DPP10: variants seen among roughly 807,000 people sequenced by gnomAD.
DPP10 encodes the protein dipeptidyl peptidase like 10, also known as inactive dipeptidyl peptidase 10.
DPP10 carries 33 observed loss-of-function variants against 120.9 expected under a neutral mutation model. The ratio of observed to expected loss-of-function variants is 0.27; its 90% CI spans 0.21 to 0.37. DPP10 has a LOEUF of 0.37. Ranked by LOEUF, DPP10 falls within the 10% of genes least tolerant of loss-of-function variation. The pLI is 1.00. For synonymous variants in DPP10, 337 were observed against 326.1 expected, an observed-to-expected ratio of 1.03 and a Z score of -0.36; for missense variants, 816 against 942.8, an observed-to-expected ratio of 0.87 and a Z score of 1.76.
intron 5 of DPP10, among the ~76,000 whole-genome samples, chr2:115,575,205 A>G (rs2081577125): frequency 6.6e-6 from 1 of 152,224 alleles, no homozygotes; most frequent in Admixed American, 6.5e-5. Flanking sequence ...GAGTCACCTC[A>G]GGCATCAAAC....
intron 1 of DPP10, among the ~76,000 whole-genome samples, chr2:114,730,492 G>T (rs957895485): frequency 1.3e-5 from 2 of 152,184 alleles, no homozygotes; most frequent in Non-Finnish European, 2.9e-5. Context: ...ATGCAGAGTT[G>T]ATCAGTTTTG....
chr2:115,594,911 C>T (rs1031576231), intron 5 of DPP10, among the ~76,000 whole-genome samples: 5 of 152,086 alleles, frequency 3.3e-5, no homozygotes, highest in African/African-American at 9.7e-5. Context: ...TATTTTGGAA[C>T]ACACACTAAT....
intron 1 of DPP10, among the ~76,000 whole-genome samples, chr2:115,288,292 A>AT (rs563833614): frequency 1.1e-4 from 16 of 151,246 alleles, no homozygotes; most frequent in East Asian, 3.9e-4. Context: ...GATGTTGAAC[A>AT]TTTTTTTTCT....
chr2:115,621,077 T>C (rs1021242208), intron 5 of DPP10, among the ~76,000 whole-genome samples: 7 of 152,222 alleles, frequency 4.6e-5, no homozygotes, highest in Non-Finnish European at 1.0e-4. Flanking sequence ...ATGTGTGCCA[T>C]GAAATTCTTT....
chr2:115,512,062 T>C (rs2077261160), intron 4 of DPP10, among the ~76,000 whole-genome samples: 1 of 150,430 alleles, frequency 6.6e-6, no homozygotes, highest in African/African-American at 2.4e-5. Context: ...CCCTCCCCTC[T>C]TTCCTTCCTT....
chr2:115,322,109 A>G (rs1001707786), intron 2 of DPP10, among the ~76,000 whole-genome samples: 1 of 151,884 alleles, frequency 6.6e-6, no homozygotes, highest in African/African-American at 2.4e-5. Context: ...ATGCTTTACA[A>G]TTTCTGATTG....
intron 1 of DPP10, among the ~76,000 whole-genome samples, chr2:114,656,959 C>T (rs1374442929): frequency 6.6e-6 from 1 of 152,034 alleles, no homozygotes; most frequent in Non-Finnish European, 1.5e-5. Flanking sequence ...ACTTTATAAG[C>T]ACCGTTTTGA....
intron 3 of DPP10, among the ~76,000 whole-genome samples, chr2:115,407,055 C>T (rs1362608369): frequency 6.6e-6 from 1 of 152,166 alleles, no homozygotes; most frequent in Non-Finnish European, 1.5e-5. Flanking sequence ...GAGAGGGGTT[C>T]CTGTTAACAG....
chr2:115,440,554 C>A (rs1269984358), intron 3 of DPP10, among the ~76,000 whole-genome samples: 1 of 152,170 alleles, frequency 6.6e-6, no homozygotes, highest in Non-Finnish European at 1.5e-5. Flanking sequence ...ATTAAGCCGG[C>A]GGCCAAAGAG....
intron 1 of DPP10, among the ~76,000 whole-genome samples, chr2:115,024,802 C>CAT (rs1703343566): frequency 1.4e-5 from 2 of 146,112 alleles, no homozygotes. Context: ...TGTGTGTATA[C>CAT]ATATATATGT....
intron 1 of DPP10, among the ~76,000 whole-genome samples, chr2:114,544,773 G>A (rs1028870615): frequency 6.6e-6 from 1 of 151,946 alleles, no homozygotes; most frequent in African/African-American, 2.4e-5. Flanking sequence ...TATTTAGATT[G>A]TCTCAATAGG....
intron 1 of DPP10, among the ~76,000 whole-genome samples, chr2:114,534,967 T>C (rs2104763514): frequency 6.6e-6 from 1 of 152,338 alleles, no homozygotes; most frequent in East Asian, 1.9e-4. Flanking sequence ...TTTTCTTTGA[T>C]ACTGACTTGT....
chr2:115,340,898 T>C (rs1326072480), intron 2 of DPP10, among the ~76,000 whole-genome samples: 3 of 152,082 alleles, frequency 2.0e-5, no homozygotes, highest in African/African-American at 7.2e-5. Context: ...TAAGTCAATG[T>C]TTATCAAATA....
chr2:114,840,418 G>A (rs1296127412), intron 1 of DPP10, among the ~76,000 whole-genome samples: 2 of 151,906 alleles, frequency 1.3e-5, no homozygotes, highest in African/African-American at 4.8e-5. Flanking sequence ...CACAGAACTG[G>A]GAATAAACTC....
At chr2:115,480,608 C>A (rs1353310517) in intron 3 of DPP10, among the ~76,000 whole-genome samples, 1 of 152,020 alleles carries the variant, frequency 6.6e-6, no homozygotes, top group Non-Finnish European at 1.5e-5. Flanking sequence ...TCCAGCTGTG[C>A]CAAGAGCAAA....
At chr2:115,559,506 A>G (rs1305479653) in intron 5 of DPP10, among the ~76,000 whole-genome samples, 2 of 152,112 alleles carry the variant, frequency 1.3e-5, no homozygotes, top group Non-Finnish European at 2.9e-5. Context: ...TTTGATTTCT[A>G]TGTTACAAAC....
chr2:114,707,591 T>C (rs191387838), intron 1 of DPP10, among the ~76,000 whole-genome samples: 201 of 152,292 alleles, frequency 1.3e-3, no homozygotes, highest in African/African-American at 4.7e-3. Flanking sequence ...TGGGGCTCAA[T>C]AGCTTTACTT....
At chr2:115,340,303 T>G (rs1350637924) in intron 2 of DPP10, among the ~76,000 whole-genome samples, 2 of 152,112 alleles carry the variant, frequency 1.3e-5, no homozygotes, top group Non-Finnish European at 2.9e-5. Context: ...ATGGGAAATA[T>G]TCTGTTCACA....
At chr2:115,686,790 CA>C (rs2091012153) in intron 5 of DPP10, among the ~76,000 whole-genome samples, 1 of 151,964 alleles carries the variant, frequency 6.6e-6, no homozygotes, top group Non-Finnish European at 1.5e-5. Context: ...CTGCCTTTTC[CA>C]TAACTATTCA....
Sources: gnomAD v4.1 joint callset for allele counts (sites outside exome capture counted in the v4.1 genomes callset) on GRCh38, gnomAD v4.1.1 for gene constraint, MANE v1.5 for transcripts, NCBI Gene and HGNC (gene_info 2026-07-23, HGNC 2026-07-21) for gene names.